NAPEPLD: variants seen among roughly 807,000 people sequenced by gnomAD.
The protein encoded by NAPEPLD is N-acyl phosphatidylethanolamine phospholipase D, also known as N-acyl-phosphatidylethanolamine-hydrolyzing phospholipase D.
NAPEPLD carries 23 observed loss-of-function variants against 38.1 expected under a neutral mutation model. That is an observed-to-expected ratio of 0.60 (90% CI 0.43 to 0.86). The LOEUF is 0.86. Among genes scored for constraint, NAPEPLD ranks in the 40% least tolerant of loss-of-function variants. The pLI, the probability that NAPEPLD is intolerant of heterozygous loss-of-function variation, is 0.00. For synonymous variants in NAPEPLD, 147 were observed against 162.0 expected (o/e 0.91, Z 0.71); for missense variants, 411 against 476.8 (o/e 0.86, Z 1.28).
chr7:103,143,152 A>G (rs1166753206), intron 1 of NAPEPLD, among the ~76,000 whole-genome samples: 1 of 152,016 alleles, frequency 6.6e-6, no homozygotes, highest in Admixed American at 6.5e-5. Flanking sequence ...GCTTGAGCCC[A>G]GGAGGTCAAG....
At chr7:103,133,061 G>A (rs1158909743) in intron 1 of NAPEPLD, among the ~76,000 whole-genome samples, 1 of 152,096 alleles carries the variant, frequency 6.6e-6, no homozygotes, top group Admixed American at 6.5e-5. Context: ...AAAAAAATCT[G>A]ATACAAACAA....
At chr7:103,133,654 T>C (rs1250212827) in intron 1 of NAPEPLD, among the ~76,000 whole-genome samples, 1 of 152,218 alleles carries the variant, frequency 6.6e-6, no homozygotes, top group Non-Finnish European at 1.5e-5. Flanking sequence ...TTAACTAGCT[T>C]TGAGCTCTTC....
At chr7:103,137,815 C>CAAAAAAAAAAAAAAAAAA (rs79429621) in intron 1 of NAPEPLD, among the ~76,000 whole-genome samples, 1 of 107,534 alleles carries the variant, frequency 9.3e-6, no homozygotes, top group African/African-American at 3.5e-5. Context: ...GATGCTGTCT[C>CAAAAAAAAAAAAAAAAAA]AAAAAAAAAA....
chr7:103,145,606 A>C (rs1194481409), intron 1 of NAPEPLD, among the ~76,000 whole-genome samples: 1 of 152,238 alleles, frequency 6.6e-6, no homozygotes, highest in East Asian at 1.9e-4. Flanking sequence ...GACCAGGTAC[A>C]TTCCCTCTAA....
intron 4 of NAPEPLD, among the ~76,000 whole-genome samples, chr7:103,113,373 A>T (rs1281692971): frequency 2.0e-5 from 3 of 152,208 alleles, no homozygotes; most frequent in Non-Finnish European, 4.4e-5. Flanking sequence ...CTCATGGCAC[A>T]GGAATTTTGA....
At chr7:103,124,861 A>T (rs1483935728) in intron 2 of NAPEPLD, among the ~76,000 whole-genome samples, 1 of 152,186 alleles carries the variant, frequency 6.6e-6, no homozygotes, top group African/African-American at 2.4e-5. Context: ...TCAGGAGTGA[A>T]ATCTAGGTCT....
At chr7:103,147,350 C>A (rs975787934) in intron 1 of NAPEPLD, among the ~76,000 whole-genome samples, 1 of 152,216 alleles carries the variant, frequency 6.6e-6, no homozygotes, top group Non-Finnish European at 1.5e-5. Context: ...AATGAAAACA[C>A]TTTTTATGTG....
intron 4 of NAPEPLD, among the ~76,000 whole-genome samples, chr7:103,111,331 G>T (rs1804478173): frequency 6.6e-6 from 1 of 152,158 alleles, no homozygotes; most frequent in African/African-American, 2.4e-5. Context: ...AACAAAGCTG[G>T]AGGCATCATG....
In NAPEPLD at chr7:103,124,649, G is replaced by A. The variant is rs556517115; in HGVS notation, c.294+3834C>T. Among the ~76,000 whole-genome samples the A allele has an allele frequency of 4.6e-5, 7 of 152,140 alleles. No individual in the cohort carries two copies. In the East Asian group the frequency reaches 5.8e-4, roughly 13 times the overall value. On this transcript the variant is annotated intron_variant, in intron 2 of 4. Transcript: ENST00000465647. The stretch of plus-strand genomic sequence containing the variant: ...CCCAAGACTCATAATTAACCAGTAC[G>A]CTAGTTAATGTTTTACTTTTCTCGG...
chr7:103,121,795 G>C, intron 2 of NAPEPLD, among the ~76,000 whole-genome samples: 1 of 152,108 alleles, frequency 6.6e-6, no homozygotes, highest in Non-Finnish European at 1.5e-5. Context: ...AACTTTGAAA[G>C]GGTGTGGTAC....
At chr7:103,141,080 C>A (rs888006272) in intron 1 of NAPEPLD, among the ~76,000 whole-genome samples, 11 of 152,096 alleles carry the variant, frequency 7.2e-5, no homozygotes, top group Admixed American at 5.9e-4. Flanking sequence ...TTGTTCCCCC[C>A]ATCTGCTTTT....
Position 103,109,445 on chromosome 7 carries a change from A to C in NAPEPLD, c.1056+5615T>G, listed in dbSNP as rs148349429. On this transcript the variant is annotated intron_variant, in intron 4 of 4. Coordinates refer to ENST00000465647, the MANE Select transcript of NAPEPLD (RefSeq NM_001122838.3). ...GATTAAGAAACTCACTCAAAACCAC[A>C]CAACTGCATGGAAACTGAAAAACCT... 1.8e-4 allele frequency among the ~76,000 whole-genome samples: 27 copies of C among 152,254 alleles called. 1 individual carries two copies. In the East Asian group the frequency reaches 5.0e-3, roughly 28 times the overall value.
At chr7:103,115,760 A>T (rs1432619395) in intron 3 of NAPEPLD, among the ~76,000 whole-genome samples, 1 of 152,206 alleles carries the variant, frequency 6.6e-6, no homozygotes, top group Non-Finnish European at 1.5e-5. Flanking sequence ...GTGCACTCAG[A>T]GTTGGCAACA....
chr7:103,122,263 A>G (rs1239312446), intron 2 of NAPEPLD, among the ~76,000 whole-genome samples: 1 of 152,098 alleles, frequency 6.6e-6, no homozygotes, highest in Admixed American at 6.6e-5. Flanking sequence ...ACACGTGCAC[A>G]CACACACGTA....
At chr7:103,104,614 GAC>G (rs1200644486) in intron 4 of NAPEPLD, among the ~76,000 whole-genome samples, 1 of 152,182 alleles carries the variant, frequency 6.6e-6, no homozygotes, top group African/African-American at 2.4e-5. Flanking sequence ...CCTTTCAACT[GAC>G]TACTGAGTAA....
At chr7:103,120,767 G>A (rs1309303955) in intron 2 of NAPEPLD, among the ~76,000 whole-genome samples, 1 of 145,210 alleles carries the variant, frequency 6.9e-6, no homozygotes, top group Admixed American at 7.1e-5. Context: ...AGGCTGGGGT[G>A]CAGTGGCATA....
At chr7:103,144,052 T>G (rs191869291) in intron 1 of NAPEPLD, among the ~76,000 whole-genome samples, 1 of 152,304 alleles carries the variant, frequency 6.6e-6, no homozygotes, top group East Asian at 1.9e-4. Flanking sequence ...ATGCTATAGG[T>G]GATGTAAAAG....
At chr7:103,107,112 G>T (rs1255863608) in intron 4 of NAPEPLD, among the ~76,000 whole-genome samples, 1 of 152,102 alleles carries the variant, frequency 6.6e-6, no homozygotes, top group Non-Finnish European at 1.5e-5. Context: ...AGGCAAACAG[G>T]GTCTGGAGTG....
chr7:103,105,453 G>A (rs535521814), intron 4 of NAPEPLD, among the ~76,000 whole-genome samples: 1 of 152,138 alleles, frequency 6.6e-6, no homozygotes, highest in Non-Finnish European at 1.5e-5. Context: ...CTTGAAACTC[G>A]TTTCCATCAA....
Sources: allele counts gnomAD v4.1 joint callset (sites outside exome capture counted in the v4.1 genomes callset), GRCh38; gene constraint gnomAD v4.1.1; transcripts MANE v1.5; gene names NCBI Gene and HGNC (gene_info 2026-07-23, HGNC 2026-07-21).